DPYD: variants seen among roughly 807,000 people sequenced by gnomAD.
DPYD encodes dihydropyrimidine dehydrogenase [NADP(+)].
DPYD carries 109 observed loss-of-function variants against 116.2 expected under a neutral mutation model. The observed-to-expected ratio is 0.94, with a 90% CI of 0.80 to 1.10. The LOEUF is 1.10. Among genes scored for constraint, DPYD ranks in the 50% least tolerant of loss-of-function variants. The probability of loss-of-function intolerance (pLI) is 0.00; values close to 1 mark genes in which losing one functional copy is unlikely to be tolerated. For missense variants in DPYD, 1,302 were observed against 1,254.5 expected, an observed-to-expected ratio of 1.04 and a Z score of -0.57; for synonymous variants, 440 against 432.0, an observed-to-expected ratio of 1.02 and a Z score of -0.23.
intron 18 of DPYD, among the ~76,000 whole-genome samples, chr1:97,276,676 C>CAAAAAAAAAAAAAAAAAAGAAAAAA (rs1664948789): frequency 8.6e-6 from 1 of 116,634 alleles, no homozygotes; most frequent in Non-Finnish European, 1.9e-5. Context: ...GACTCTGTCT[C>CAAAAAAAAAAAAAAAAAAGAAAAAA]AAAAAAAAAA....
chr1:97,809,274 ATGC>A (rs1438665232), intron 3 of DPYD, among the ~76,000 whole-genome samples: 5 of 152,220 alleles, frequency 3.3e-5, no homozygotes, highest in Non-Finnish European at 7.3e-5. Context: ...AAAAACACTG[ATGC>A]TAACTGCTAC....
At chr1:97,576,870 G>A (rs1653296850) in intron 10 of DPYD, among the ~76,000 whole-genome samples, 1 of 152,080 alleles carries the variant, frequency 6.6e-6, no homozygotes, top group Admixed American at 6.6e-5. Flanking sequence ...AGTACATGTA[G>A]AACTAGACTA....
chr1:97,258,809 A>T (rs1201275217), intron 18 of DPYD, among the ~76,000 whole-genome samples: 2 of 152,176 alleles, frequency 1.3e-5, no homozygotes, highest in African/African-American at 4.8e-5. Context: ...GACCAGAAGG[A>T]CAAGAAAGTG....
At chr1:97,877,665 G>A (rs1671992998) in intron 2 of DPYD, among the ~76,000 whole-genome samples, 1 of 151,996 alleles carries the variant, frequency 6.6e-6, no homozygotes, top group South Asian at 2.1e-4. Flanking sequence ...TCATGCTTGA[G>A]AAAGTATTTT....
At chr1:97,455,190 T>C (rs4950035) in intron 13 of DPYD, among the ~76,000 whole-genome samples, 62,681 of 151,566 alleles carry the variant, frequency 0.41, 13,349 homozygotes, top group Middle Eastern at 0.55. Context: ...ACTAGTGATA[T>C]ATAATTATAA....
intron 2 of DPYD, among the ~76,000 whole-genome samples, chr1:97,853,130 C>T (rs1348629601): frequency 1.3e-5 from 2 of 152,172 alleles, no homozygotes; most frequent in Middle Eastern, 3.2e-3. Context: ...CCCTCCTGCA[C>T]TAAACATTAT....
At chr1:97,132,628 T>C (rs1653425327) in intron 20 of DPYD, among the ~76,000 whole-genome samples, 1 of 152,146 alleles carries the variant, frequency 6.6e-6, no homozygotes, top group African/African-American at 2.4e-5. Flanking sequence ...TAGGTCCTTC[T>C]TCCATCTTTT....
At chr1:97,124,090 C>T (rs914176681) in intron 20 of DPYD, among the ~76,000 whole-genome samples, 8 of 152,024 alleles carry the variant, frequency 5.3e-5, no homozygotes, top group East Asian at 1.9e-4. Context: ...TCAATTTTTG[C>T]GTGAAAGTCA....
At chr1:97,647,625 T>C (rs550666160) in intron 8 of DPYD, among the ~76,000 whole-genome samples, 1 of 152,140 alleles carries the variant, frequency 6.6e-6, no homozygotes, top group East Asian at 1.9e-4. Context: ...ATTTTATCTT[T>C]ATAATTTCTC....
chr1:97,254,874 C>T (rs1308979163), intron 18 of DPYD, among the ~76,000 whole-genome samples: 2 of 152,206 alleles, frequency 1.3e-5, no homozygotes, highest in Non-Finnish European at 2.9e-5. Flanking sequence ...TGTCAAGAGG[C>T]CAAGACGCAG....
chr1:97,121,725 C>T (rs1652444181), intron 20 of DPYD, among the ~76,000 whole-genome samples: 1 of 152,022 alleles, frequency 6.6e-6, no homozygotes, highest in African/African-American at 2.4e-5. Context: ...GGAATTAGCC[C>T]AAAGGTGGGC....
intron 13 of DPYD, among the ~76,000 whole-genome samples, chr1:97,471,967 T>TA (rs1028057076): frequency 1.3e-5 from 2 of 152,008 alleles, no homozygotes; most frequent in South Asian, 2.1e-4. Context: ...GTGGAAAATG[T>TA]AAAAAAAGAG....
At chr1:97,127,593 C>G (rs1652947421) in intron 20 of DPYD, among the ~76,000 whole-genome samples, 1 of 152,102 alleles carries the variant, frequency 6.6e-6, no homozygotes, top group South Asian at 2.1e-4. Context: ...AGGTATTCAT[C>G]AACTCATTTT....
At chr1:97,880,329 T>C (rs1261103902) in intron 2 of DPYD, among the ~76,000 whole-genome samples, 1 of 150,898 alleles carries the variant, frequency 6.6e-6, no homozygotes, top group African/African-American at 2.5e-5. Flanking sequence ...ACTGGCTAGC[T>C]AGTGGGGATA....
rs538850326 is a variant in DPYD, at chr1:97,158,202, C to G, written c.2622+34867G>C. On this transcript the variant is annotated intron_variant, in intron 20 of 22. Transcript: ENST00000370192. ...TTCCCCAGGGCTTTTTGTGCTTCTA[C>G]AAATCATGTCAAGTTGCTCACAACC... Among the ~76,000 whole-genome samples, 48 of 151,994 alleles carry G rather than the reference C, an allele frequency of 3.2e-4. 1 individual carries two copies. The highest frequency in any genetic ancestry group is 4.6e-4 in the Admixed American group (7 of 15,214).
In DPYD at chr1:97,089,827, GTTTTT is replaced by G. The variant is rs112112819; in HGVS notation, c.2767-7362_2767-7358del. 4.4e-3 allele frequency among the ~76,000 whole-genome samples: 562 copies of G among 126,568 alleles called. 2 individuals carry two copies. Among genetic ancestry groups the G allele is most frequent in the East Asian group, 0.018 (82 of 4,560 alleles). The allele number at this position is 126,568 out of a possible 152,430, so 83.0% of individuals were successfully genotyped here. A position where few individuals can be genotyped will look rare whatever the true frequency, so the allele number is the denominator to read the frequency against. The stretch of plus-strand genomic sequence containing the variant: ...GAGGGCCTCTGAGGCCATTTTGTTT[GTTTTT>G]TTTTTTTTTTTTTTTTTACTTTCAA... On this transcript the variant is annotated intron_variant, in intron 21 of 22. Transcript: ENST00000370192.
chr1:97,269,394 C>T (rs1410868614), intron 18 of DPYD, among the ~76,000 whole-genome samples: 1 of 152,154 alleles, frequency 6.6e-6, no homozygotes, highest in Non-Finnish European at 1.5e-5. Flanking sequence ...TTCTAGCCTT[C>T]TCCTCCAAAC....
intron 21 of DPYD, among the ~76,000 whole-genome samples, chr1:97,092,677 G>A (rs1340231642): frequency 6.6e-6 from 1 of 151,952 alleles, no homozygotes; most frequent in Non-Finnish European, 1.5e-5. Flanking sequence ...TCCAGCATAG[G>A]CCCATAATTC....
Position 97,817,796 on chromosome 1 carries a change from C to A in DPYD, c.233+10318G>T, listed in dbSNP as rs75390996. ...TTAAAATATGATAGTATATACACAA[C>A]AGCTTGTTAACAAGATTATCATAAC... On this transcript the variant is annotated intron_variant, in intron 3 of 22. Coordinates refer to ENST00000370192, the MANE Select transcript of DPYD (RefSeq NM_000110.4). Among the ~76,000 whole-genome samples the A allele has an allele frequency of 3.5e-3, 540 of 152,132 alleles. 4 individuals carry two copies. Among genetic ancestry groups the A allele is most frequent in the Non-Finnish European group, 5.2e-3 (350 of 67,926 alleles).
Sources: gnomAD v4.1 joint callset for allele counts (sites outside exome capture counted in the v4.1 genomes callset) on GRCh38, gnomAD v4.1.1 for gene constraint, MANE v1.5 for transcripts, NCBI Gene and HGNC (gene_info 2026-07-23, HGNC 2026-07-21) for gene names.